The following MYOM1 variants were observed in gnomAD, a reference collection of about 807,000 sequenced individuals.
The protein encoded by MYOM1 is myomesin-1.
A neutral mutation model predicts 205.3 loss-of-function variants in MYOM1; 164 were observed. That is an observed-to-expected ratio of 0.80 (90% CI 0.70 to 0.91). MYOM1 has a LOEUF of 0.91. MYOM1 is among the 40% of genes least tolerant of loss of function. MYOM1 has a pLI of 0.00. For synonymous variants in MYOM1, 772 were observed against 789.4 expected (o/e 0.98, Z 0.37); for missense variants, 2,011 against 2,127.3 (o/e 0.95, Z 1.08).
At chr18:3,222,913 G>A (rs767240528), upstream of MYOM1, among the ~76,000 whole-genome samples, 15 of 151,828 alleles carry the variant, frequency 9.9e-5, no homozygotes, top group East Asian at 1.9e-4. Flanking sequence ...AGGGTCTCTC[G>A]CTCTGTTGCT....
intron 22 of MYOM1, among the ~76,000 whole-genome samples, chr18:3,106,667 T>G (rs7232703): frequency 6.6e-6 from 1 of 151,966 alleles, no homozygotes; most frequent in Admixed American, 6.6e-5. Context: ...ACAAAAAAAA[T>G]TTTTAATTAG....
chr18:3,233,589 A>G, the MYOM1 span, among the ~76,000 whole-genome samples: 1 of 152,218 alleles, frequency 6.6e-6, no homozygotes, highest in Non-Finnish European at 1.5e-5. Context: ...ACTGGGTAGC[A>G]CTGCCAGCCC....
At chr18:3,186,918 A>C (rs2144139531) in intron 5 of MYOM1, among the ~76,000 whole-genome samples, 1 of 151,856 alleles carries the variant, frequency 6.6e-6, no homozygotes, top group South Asian at 2.1e-4. Context: ...AAGAAAGAGG[A>C]AGATAAAGAA....
chr18:3,140,430 T>C (rs919988860), intron 14 of MYOM1, among the ~76,000 whole-genome samples: 2 of 151,754 alleles, frequency 1.3e-5, no homozygotes, highest in African/African-American at 4.8e-5. Flanking sequence ...CTTAGAATGC[T>C]ACTCAAGTTA....
rs368231546 is a variant in MYOM1 at position 3,174,014 on chromosome 18, C to A, written c.1112-14G>T. ...CTCCCTTATACCCTAGAGAAGAAAA[C>A]AGAAACGCATGTGAACTGCTTTGTG... On this transcript the variant is annotated splice_polypyrimidine_tract_variant and intron_variant, in intron 7 of 37. Transcript: ENST00000356443. 32 of 1,612,472 alleles carry A rather than the reference C, an allele frequency of 2.0e-5. No homozygotes were observed. In the African/African-American group the frequency reaches 3.5e-4, roughly 17 times the overall value.
At chr18:3,147,308 G>A (rs569263682) in intron 13 of MYOM1, among the ~76,000 whole-genome samples, 16 of 151,610 alleles carry the variant, frequency 1.1e-4, no homozygotes, top group African/African-American at 3.9e-4. Context: ...GAATGTATGA[G>A]ATTATATCTA....
chr18:3,071,919 C>T lies in MYOM1; in HGVS notation c.4709-30G>A, dbSNP rs1241501319. ...AAGCATAGGCATTTTGGGTTAATCA[C>T]TGCAGTGGCAAGGCCAGCGGTCATA... On this transcript the variant is annotated intron_variant, in intron 36 of 37. Coordinates refer to ENST00000356443, the MANE Select transcript of MYOM1 (RefSeq NM_003803.4). 2.5e-6 allele frequency: 4 copies of T among 1,589,580 alleles called. 1 individual carries two copies. Among genetic ancestry groups the T allele is most frequent in the African/African-American group, 2.7e-5 (2 of 74,492 alleles).
chr18:3,193,361 T>TACATATATATACACACAC (rs1598758731), intron 3 of MYOM1, among the ~76,000 whole-genome samples: 1 of 135,882 alleles, frequency 7.4e-6, no homozygotes, highest in African/African-American at 3.0e-5. Context: ...TATATATATA[T>TACATATATATACACACAC]ACACACACAC....
intron 2 of MYOM1, among the ~76,000 whole-genome samples, chr18:3,203,235 A>G (rs2081089051): frequency 6.6e-6 from 1 of 150,810 alleles, no homozygotes; most frequent in African/African-American, 2.4e-5. Context: ...ATAAGTAGCT[A>G]GAAAAAGATA....
upstream of MYOM1, among the ~76,000 whole-genome samples, chr18:3,221,254 G>A (rs551367979): frequency 1.5e-3 from 235 of 152,108 alleles, no homozygotes; most frequent in African/African-American, 5.1e-3. Flanking sequence ...TCCTGGACTC[G>A]AGTAATCCAC....
In MYOM1 at chr18:3,152,016, T is replaced by G; in HGVS notation, c.1644-123A>C. On this transcript the variant is annotated intron_variant, in intron 11 of 37. Coordinates refer to ENST00000356443, the MANE Select transcript of MYOM1 (RefSeq NM_003803.4). The surrounding 1 kb of genome is among the most constrained non-coding windows in gnomAD (Gnocchi z 4.3). ...CCCTATAAAATATCCAAGTCAGGCG[T>G]GGCTCGCTACCTGGTGAACTGCATG... The G allele has an allele frequency of 1.0e-6, 1 of 976,344 alleles. No homozygotes were observed. The allele number at this position is 976,344 out of a possible 1,614,324, so 60.5% of individuals were successfully genotyped here. A position where few individuals can be genotyped will look rare whatever the true frequency, so the allele number is the denominator to read the frequency against.
chr18:3,131,090 C>T (rs942849491), intron 17 of MYOM1, among the ~76,000 whole-genome samples: 7 of 152,154 alleles, frequency 4.6e-5, no homozygotes, highest in African/African-American at 1.4e-4. Context: ...CCAGGATGAG[C>T]ATGAAGTTAG....
intron 6 of MYOM1, among the ~76,000 whole-genome samples, chr18:3,175,004 G>A (rs550356221): frequency 1.2e-3 from 189 of 152,112 alleles, no homozygotes; most frequent in African/African-American, 2.7e-3. Context: ...CCAGTTTCTC[G>A]TGTTCTTCAT....
intron 5 of MYOM1, among the ~76,000 whole-genome samples, chr18:3,176,541 T>C (rs909903477): frequency 2.0e-5 from 3 of 152,184 alleles, no homozygotes; most frequent in Non-Finnish European, 4.4e-5. Context: ...GCTTCTTGGG[T>C]GTCAATAATG....
intron 34 of MYOM1, among the ~76,000 whole-genome samples, chr18:3,078,350 A>AT (rs1269673813): frequency 6.6e-6 from 1 of 152,054 alleles, no homozygotes; most frequent in Non-Finnish European, 1.5e-5. Flanking sequence ...CTGAGATTGT[A>AT]TTTTAAAATG....
chr18:3,170,897 T>A (rs2080547219), intron 8 of MYOM1, among the ~76,000 whole-genome samples: 1 of 152,212 alleles, frequency 6.6e-6, no homozygotes, highest in African/African-American at 2.4e-5. Flanking sequence ...ACTTAGGCCC[T>A]TTCTCACATC....
chr18:3,166,492 G>A (rs62076874), intron 9 of MYOM1, among the ~76,000 whole-genome samples: 2 of 151,616 alleles, frequency 1.3e-5, no homozygotes, highest in Non-Finnish European at 2.9e-5. Flanking sequence ...TACCAGGTTG[G>A]CCAGGCTGGT....
intron 13 of MYOM1, among the ~76,000 whole-genome samples, chr18:3,144,579 C>T (rs906343142): frequency 6.6e-6 from 1 of 152,100 alleles, no homozygotes; most frequent in African/African-American, 2.4e-5. Flanking sequence ...TATATGCTGC[C>T]TATGAGAAAC....
chr18:3,242,356 C>A, the MYOM1 span, among the ~76,000 whole-genome samples: 68 of 152,282 alleles, frequency 4.5e-4, no homozygotes, highest in Admixed American at 7.8e-4. Context: ...GATCTGATGG[C>A]TTTAAAAAGG....
Sources: gnomAD v4.1 joint callset for allele counts (sites outside exome capture counted in the v4.1 genomes callset) on GRCh38, gnomAD v4.1.1 for gene constraint, Gnocchi (gnomAD v3.1) non-coding constraint, MANE v1.5 for transcripts, NCBI Gene and HGNC (gene_info 2026-07-23, HGNC 2026-07-21) for gene names.